Variants in TENM1 observed in about 807,000 individuals in gnomAD.
TENM1 encodes teneurin transmembrane protein 1.
TENM1 carries 35 observed loss-of-function variants against 174.8 expected under a neutral mutation model. The ratio of observed to expected loss-of-function variants is 0.20; its 90% confidence interval spans 0.15 to 0.27. The LOEUF (loss-of-function observed/expected upper bound fraction) is 0.27. Ranked by LOEUF, TENM1 falls within the 10% of genes least tolerant of loss-of-function variation. TENM1 has a pLI of 1.00. For synonymous variants in TENM1, 781 were observed against 798.7 expected (o/e 0.98, Z 0.37); for missense variants, 1,633 against 2,130.1 (o/e 0.77, Z 4.59).
At chrX:124,686,985 T>C (rs753298632) in intron 5 of TENM1, among the ~76,000 whole-genome samples, 119 of 111,703 alleles carry the variant, frequency 1.1e-3, no homozygotes, top group African/African-American at 3.8e-3. Flanking sequence ...AAATAGTCTC[T>C]GTTTGTGGAC....
At chrX:124,864,450 AC>A (rs746129509) in intron 3 of TENM1, among the ~76,000 whole-genome samples, 4 of 112,319 alleles carry the variant, frequency 3.6e-5, no homozygotes, top group African/African-American at 1.3e-4. Context: ...GAAAAATGCA[AC>A]TGAAATACTG....
intron 11 of TENM1, among the ~76,000 whole-genome samples, chrX:124,582,702 A>G (rs1052833140): frequency 2.7e-4 from 30 of 111,803 alleles, no homozygotes; most frequent in African/African-American, 9.8e-4. Flanking sequence ...TGGGTGCAGC[A>G]CACCGTGTGC....
chrX:124,894,593 A>G (rs113160372), intron 2 of TENM1, among the ~76,000 whole-genome samples: 2,246 of 112,037 alleles, frequency 0.02, 56 homozygotes, highest in African/African-American at 0.07. Flanking sequence ...CCCAAAAGAT[A>G]CCTCATAACA....
chrX:125,139,156 T>A, the TENM1 span, among the ~76,000 whole-genome samples: 1 of 111,728 alleles, frequency 9.0e-6, no homozygotes, highest in African/African-American at 3.3e-5. Context: ...GAGCTTACAA[T>A]CTGATGGGGG....
At chrX:125,008,597 A>G in the TENM1 span, among the ~76,000 whole-genome samples, 2 of 112,462 alleles carry the variant, frequency 1.8e-5, no homozygotes, top group Admixed American at 1.9e-4. Context: ...TCAGTGCCAC[A>G]TGGCACTTAT....
At chrX:124,844,762 T>C (rs2056574483) in intron 3 of TENM1, among the ~76,000 whole-genome samples, 3 of 112,000 alleles carry the variant, frequency 2.7e-5, no homozygotes, top group Admixed American at 1.9e-4. Flanking sequence ...CAACTGGTGT[T>C]GTATTTTTAG....
the TENM1 span, among the ~76,000 whole-genome samples, chrX:125,017,007 C>T: frequency 8.9e-6 from 1 of 111,812 alleles, no homozygotes; most frequent in African/African-American, 3.3e-5. Flanking sequence ...AACTGGCTAG[C>T]CATAGGCAGA....
At chrX:124,433,306 A>G (rs1024597776) in intron 23 of TENM1, among the ~76,000 whole-genome samples, 5 of 112,172 alleles carry the variant, frequency 4.5e-5, no homozygotes, top group Non-Finnish European at 9.4e-5. Context: ...ATTAAACTAA[A>G]TTGAAATAAA....
At chrX:124,995,258 T>C in the TENM1 span, among the ~76,000 whole-genome samples, 3 of 111,179 alleles carry the variant, frequency 2.7e-5, no homozygotes, top group Non-Finnish European at 3.8e-5. Flanking sequence ...GTACCACAGG[T>C]ATAATAATAC....
intron 3 of TENM1, among the ~76,000 whole-genome samples, chrX:124,820,500 A>G (rs1376862640): frequency 8.9e-6 from 1 of 111,770 alleles, no homozygotes; most frequent in Non-Finnish European, 1.9e-5. Context: ...CAGCATTAGA[A>G]GGGTCCTTGA....
intron 25 of TENM1, among the ~76,000 whole-genome samples, chrX:124,409,659 A>G (rs758626507): frequency 1.2e-3 from 130 of 108,333 alleles, no homozygotes; most frequent in African/African-American, 3.9e-3. Context: ...CTGATAAGCA[A>G]CTTCAGCAAA....
chrX:124,411,891 C>T (rs996730156), intron 25 of TENM1: 1 of 112,109 alleles, frequency 8.9e-6, no homozygotes, highest in Non-Finnish European at 1.9e-5. Context: ...CTGTGTGTTT[C>T]CCTTCGGTGC....
intron 1 of TENM1, among the ~76,000 whole-genome samples, chrX:124,907,827 A>G (rs1196786520): frequency 8.9e-6 from 1 of 112,246 alleles, no homozygotes; most frequent in African/African-American, 3.2e-5. Flanking sequence ...AGTCAACCTC[A>G]TTCTGAAGTA....
At chrX:124,878,445 G>A (rs772994039) in intron 3 of TENM1, among the ~76,000 whole-genome samples, 1 of 109,595 alleles carries the variant, frequency 9.1e-6, no homozygotes, top group Non-Finnish European at 1.9e-5. Context: ...GGTGCCTATA[G>A]GGAGGTATTT....
At chrX:124,637,092 T>C (rs2050894410) in intron 11 of TENM1, among the ~76,000 whole-genome samples, 1 of 109,440 alleles carries the variant, frequency 9.1e-6, no homozygotes, top group South Asian at 3.9e-4. Flanking sequence ...TTTCTTTCTT[T>C]CTTTTTTTTT....
intron 1 of TENM1, among the ~76,000 whole-genome samples, chrX:124,907,505 C>T (rs2057768120): frequency 8.9e-6 from 1 of 111,991 alleles, no homozygotes; most frequent in Non-Finnish European, 1.9e-5. Flanking sequence ...CCTTAACAGT[C>T]TAGTTGCCTT....
intron 3 of TENM1, among the ~76,000 whole-genome samples, chrX:124,839,621 T>C (rs1330117968): frequency 1.8e-5 from 2 of 111,862 alleles, no homozygotes; most frequent in Admixed American, 1.9e-4. Flanking sequence ...GTGTCATCAT[T>C]AGCTCTGTTC....
chrX:125,157,550 G>A, the TENM1 span, among the ~76,000 whole-genome samples: 42 of 112,006 alleles, frequency 3.7e-4, no homozygotes, highest in African/African-American at 1.3e-3. Flanking sequence ...AAAACTTGAT[G>A]ATGATTGGTT....
chrX:124,471,218 AT>A (rs2061302940), intron 22 of TENM1, among the ~76,000 whole-genome samples: 1 of 46,418 alleles, frequency 2.2e-5, no homozygotes, highest in African/African-American at 7.3e-5. Context: ...ACTATATATT[AT>A]AATATATAGT....
Sources: gnomAD v4.1 joint callset for allele counts (sites outside exome capture counted in the v4.1 genomes callset) on GRCh38, gnomAD v4.1.1 for gene constraint, MANE v1.5 for transcripts, NCBI Gene and HGNC (gene_info 2026-07-23, HGNC 2026-07-21) for gene names.